SLC12A5: variants seen among roughly 807,000 people sequenced by gnomAD.
SLC12A5 encodes K-Cl cotransporter 2.
SLC12A5 carries 18 observed loss-of-function variants against 124.0 expected under a neutral mutation model. The ratio of observed to expected loss-of-function variants is 0.15; its 90% CI spans 0.10 to 0.22. SLC12A5 has a LOEUF of 0.22. SLC12A5 is among the 10% of genes least tolerant of loss of function. The pLI, the probability that SLC12A5 is intolerant of heterozygous loss-of-function variation, is 1.00. For synonymous variants in SLC12A5, 589 were observed against 568.0 expected, an observed-to-expected ratio of 1.04 and a Z score of -0.53; for missense variants, 867 against 1,478.7, an observed-to-expected ratio of 0.59 and a Z score of 6.78.
upstream of SLC12A5, chr20:46,029,073 T>C (rs2084421595): frequency 3.2e-6 from 4 of 1,259,892 alleles, no homozygotes; most frequent in Non-Finnish European, 4.1e-6. Context: ...TCTCTCTCCC[T>C]CCCGCTCTCC....
At position 46,053,569 on chromosome 20, in the gene SLC12A5, C is replaced by T. The variant is rs766436506; in HGVS notation, c.2548-9C>T. On this transcript the variant is annotated splice_polypyrimidine_tract_variant and intron_variant, in intron 19 of 25. Transcript: ENST00000243964. The surrounding 1 kb of genome is among the most constrained non-coding windows in gnomAD (Gnocchi z 4.7). ...CTGGACCTTTCTGAATCCCCTTCAT[C>T]GCCTGCAGGTCTGGCGGAAGTGCAA... The T allele has an allele frequency of 1.7e-5, 27 of 1,613,320 alleles. No individual in the cohort carries two copies. In the Middle Eastern group the frequency reaches 4.9e-4, roughly 29 times the overall value.
chr20:46,056,757 G>A lies in SLC12A5; in HGVS notation c.3111-140G>A. On this transcript the variant is annotated intron_variant, in intron 23 of 25. Transcript: ENST00000243964. This position sits in a 1 kb window ranked among gnomAD's most constrained non-coding sequence, Gnocchi z 4.3. The stretch of plus-strand genomic sequence containing the variant: ...TAAGTCTCAGAATTCCCAGTTGCAG[G>A]CAGCGGAAAGGTGAAGGGTGTGGGG... The A allele has an allele frequency of 8.7e-7, 1 of 1,150,306 alleles. No individual in the cohort carries two copies. Among genetic ancestry groups the A allele is most frequent in the Non-Finnish European group, 1.3e-6 (1 of 781,728 alleles). 71.3% of individuals were successfully genotyped at this position (1,150,306 alleles called of 1,614,324 possible). A position where few individuals can be genotyped will look rare whatever the true frequency, so the allele number is the denominator to read the frequency against.
At chr20:46,052,349 G>A (rs2084653736) in intron 18 of SLC12A5, among the ~76,000 whole-genome samples, 1 of 152,238 alleles carries the variant, frequency 6.6e-6, no homozygotes, top group Admixed American at 6.5e-5. Context: ...TCCTAGGAGG[G>A]CTACGCATTG....
chr20:46,032,213 G>A (rs548159842), intron 1 of SLC12A5, among the ~76,000 whole-genome samples: 1 of 152,352 alleles, frequency 6.6e-6, no homozygotes, highest in South Asian at 2.1e-4. Context: ...CGGTCGCCAT[G>A]GAGACCGGCG....
chr20:46,034,789 A>C lies in SLC12A5; in HGVS notation c.53-159A>C, dbSNP rs937726352. The C allele has an allele frequency of 7.2e-5, 49 of 682,726 alleles. No homozygotes were observed. The African/African-American group carries it at 8.1e-4, about 11-fold the overall frequency. 42.3% of individuals were successfully genotyped at this position (682,726 alleles called of 1,614,324 possible). A position where few individuals can be genotyped will look rare whatever the true frequency, so the allele number is the denominator to read the frequency against. Reference sequence around the variant, plus strand: ...AGCTAGTGCATTAGGCTCTGTATACATGCTGTCAACTGCAACCCTGCAAGG... The same window carrying C: ...AGCTAGTGCATTAGGCTCTGTATACCTGCTGTCAACTGCAACCCTGCAAGG... On this transcript the variant is annotated intron_variant, in intron 1 of 25. Transcript: ENST00000243964.
At chr20:46,055,446 C>T (rs2084680928) in intron 21 of SLC12A5, among the ~76,000 whole-genome samples, 1 of 152,154 alleles carries the variant, frequency 6.6e-6, no homozygotes, top group African/African-American at 2.4e-5. Context: ...GGAAAATCCC[C>T]TAGGGTGTGA....
chr20:46,059,326 G>C lies in SLC12A5; in HGVS notation c.*1721G>C, dbSNP rs1483108280. Reference sequence around the variant, plus strand: ...TGGCGCCACCCAGACAGCGTCAGGTGTGGCTGGGGTAGGTTTGGAGGTCTG... The same window carrying C: ...TGGCGCCACCCAGACAGCGTCAGGTCTGGCTGGGGTAGGTTTGGAGGTCTG... On this transcript the variant is annotated 3_prime_UTR_variant, in exon 26 of 26. Coordinates refer to ENST00000243964, the MANE Select transcript of SLC12A5 (RefSeq NM_020708.5). 1.8e-4 allele frequency: 67 copies of C among 369,234 alleles called. No homozygotes were observed. The East Asian group carries it at 2.6e-3, about 14-fold the overall frequency. The allele number at this position is 369,234 out of a possible 1,614,324, so 22.9% of individuals were successfully genotyped here.
chr20:46,043,271 T>C lies in SLC12A5; in HGVS notation c.1185T>C (p.Asp395=). ...TGGACCACCCTTATGTCTTCAGTGATATGACCTCCTACTTCACCCTGCTGG... is the reference window on the plus strand; with the variant it reads ...TGGACCACCCTTATGTCTTCAGTGACATGACCTCCTACTTCACCCTGCTGG... ...IDMDHPYVFS[D]MTSYFTLLVG... The change falls in exon 9 of 26, where the codon GAT becomes GAC. Residue 395 remains aspartate (D), a synonymous_variant. Coordinates refer to ENST00000243964, the MANE Select transcript of SLC12A5 (RefSeq NM_020708.5). 2 of 1,614,104 alleles carry C rather than the reference T, an allele frequency of 1.2e-6. No homozygotes were observed. Among genetic ancestry groups the C allele is most frequent in the Non-Finnish European group, 1.7e-6 (2 of 1,180,010 alleles).
chr20:46,041,429 G>A lies in SLC12A5; in HGVS notation c.955G>A (p.Gly319Ser), dbSNP rs765018314. ...GNETVTTRLW[G>S]LFCSSRFLNA... Reference sequence around the variant, plus strand: ...TGAGACGGTGACCACACGGCTATGGGGCCTTTTCTGCTCCTCTCGCTTCCT... The same window carrying A: ...TGAGACGGTGACCACACGGCTATGGAGCCTTTTCTGCTCCTCTCGCTTCCT... Residue 319 changes from glycine (G) to serine (S), a missense_variant, in exon 8 of 26, where the codon GGC becomes AGC. By Grantham distance (56) the Gly-to-Ser change is moderately conservative. This residue lies in a region of SLC12A5 where 127 missense variants were observed against 164.1 expected (regional missense o/e 0.77). Transcript: ENST00000243964. The A allele has an allele frequency of 2.5e-6, 4 of 1,614,120 alleles. No individual in the cohort carries two copies. The Admixed American group carries it at 6.7e-5, about 27-fold the overall frequency.
chr20:46,036,487 C>G, intron 4 of SLC12A5: 1 of 415,442 alleles, frequency 2.4e-6, no homozygotes, highest in South Asian at 2.8e-5. Flanking sequence ...GGCAGCTGGT[C>G]TGAGACCAGG....
chr20:46,033,947 G>T (rs1399569103), intron 1 of SLC12A5, among the ~76,000 whole-genome samples: 1 of 151,782 alleles, frequency 6.6e-6, no homozygotes, highest in Non-Finnish European at 1.5e-5. Flanking sequence ...GTTTATTCAT[G>T]GTATTTTTTT....
In SLC12A5 at chr20:46,041,403, A is replaced by G. The variant is rs754580155; in HGVS notation, c.929A>G (p.Asn310Ser). The change falls in exon 8 of 26, where the codon AAT becomes AGT. Residue 310 changes from asparagine to serine, a missense_variant. Physicochemically the swap from Asn to Ser is conservative, Grantham distance 46. This residue lies in a region of SLC12A5 where 127 missense variants were observed against 164.1 expected (regional missense o/e 0.77). Coordinates refer to ENST00000243964, the MANE Select transcript of SLC12A5 (RefSeq NM_020708.5). ...TGTGCCAAGCTGGCTTGGGAAGGAA[A>G]TGAGACGGTGACCACACGGCTATGG... ...DVCAKLAWEGNETVTTRLWGL... is the reference protein window; with the variant it reads ...DVCAKLAWEGSETVTTRLWGL... 2 of 1,614,124 alleles carry G rather than the reference A, an allele frequency of 1.2e-6. No homozygotes were observed. Among genetic ancestry groups the G allele is most frequent in the South Asian group, 1.1e-5 (1 of 91,076 alleles).
In SLC12A5 at chr20:46,035,778, C is replaced by T. The variant is rs2084493069; in HGVS notation, c.281C>T (p.Ala94Val). Residue 94 changes from alanine (A) to valine (V), a missense_variant and splice_region_variant, in exon 4 of 26, where the codon GCC (alanine) becomes GTC (valine). Ala to Val is a moderately conservative substitution (Grantham distance 64). Transcript: ENST00000243964. The part of the protein sequence containing the change: ...NEGGKKKPVQ[A>V]PRMGTFMGVY... Reference sequence around the variant, plus strand: ...GACTGATGCTGGCCTCCCTGGCAGGCCCCACGCATGGGCACCTTCATGGGC... The same window carrying T: ...GACTGATGCTGGCCTCCCTGGCAGGTCCCACGCATGGGCACCTTCATGGGC... 6.2e-7 allele frequency: 1 copy of T among 1,610,482 alleles called. No individual in the cohort carries two copies. The highest frequency in any genetic ancestry group is 8.5e-7 in the Non-Finnish European group (1 of 1,177,766).
intron 4 of SLC12A5, chr20:46,036,285 A>G (rs909098785): frequency 3.9e-6 from 1 of 257,426 alleles, no homozygotes; most frequent in Non-Finnish European, 7.5e-6. Context: ...CAGCATTGTA[A>G]CCAAATTCTT....
chr20:46,024,704 G>A (rs1182384316), upstream of SLC12A5, among the ~76,000 whole-genome samples: 2 of 152,182 alleles, frequency 1.3e-5, no homozygotes, highest in Non-Finnish European at 2.9e-5. Context: ...TGACTTACAG[G>A]GAGTTAAAGA....
At chr20:46,022,968 G>GGAC in exon 2 of SLC12A5, 1 of 385,540 alleles carries the variant, frequency 2.6e-6, no homozygotes, top group Admixed American at 4.9e-5. Flanking sequence ...AGGAGGAGGA[G>GGAC]GAGGAGGAAG....
upstream of SLC12A5, among the ~76,000 whole-genome samples, chr20:46,024,522 C>A (rs985309837): frequency 1.6e-4 from 24 of 152,316 alleles, no homozygotes; most frequent in African/African-American, 5.5e-4. Flanking sequence ...CTGATAGATT[C>A]TCTTTCCACC....
upstream of SLC12A5, among the ~76,000 whole-genome samples, chr20:46,028,289 G>C (rs2084415781): frequency 6.6e-6 from 1 of 152,084 alleles, no homozygotes; most frequent in Non-Finnish European, 1.5e-5. Flanking sequence ...CCCCCACTCT[G>C]TCCCTGGCCA....
chr20:46,033,943 T>C (rs574179925), intron 1 of SLC12A5, among the ~76,000 whole-genome samples: 1 of 152,178 alleles, frequency 6.6e-6, no homozygotes, highest in African/African-American at 2.4e-5. Flanking sequence ...ATGGGTTTAT[T>C]CATGGTATTT....
Sources: gnomAD v4.1 joint callset for allele counts (sites outside exome capture counted in the v4.1 genomes callset) on GRCh38, gnomAD v4.1.1 for gene constraint, gnomAD v4.1.1 regional missense constraint, Gnocchi (gnomAD v3.1) non-coding constraint, MANE v1.5 for transcripts, NCBI Gene and HGNC (gene_info 2026-07-23, HGNC 2026-07-21) for gene names.